The following RIPOR2 variants were observed in gnomAD, a reference collection of about 807,000 sequenced individuals.
RIPOR2 encodes RHO family interacting cell polarization regulator 2.
A neutral mutation model predicts 114.5 loss-of-function variants in RIPOR2; 39 were observed. The observed-to-expected ratio is 0.34, with a 90% CI of 0.26 to 0.44. The LOEUF (loss-of-function observed/expected upper bound fraction) is 0.44, where lower values mean the gene tolerates loss of function less well. Among genes scored for constraint, RIPOR2 ranks in the 20% least tolerant of loss-of-function variants. The pLI is 1.00. For missense variants in RIPOR2, 1,007 were observed against 1,255.1 expected (o/e 0.80, Z 2.99); for synonymous variants, 445 against 484.4 (o/e 0.92, Z 1.07).
chr6:24,948,363 A>T (rs767027580), intron 1 of RIPOR2: 1 of 152,182 alleles, frequency 6.6e-6, no homozygotes, highest in Admixed American at 6.5e-5. Flanking sequence ...CTATCCCCTC[A>T]TTGGGCCTCA....
At chr6:24,991,618 C>T (rs78788186) in intron 1 of RIPOR2, among the ~76,000 whole-genome samples, 2,755 of 152,264 alleles carry the variant, frequency 0.018, 72 homozygotes, top group African/African-American at 0.06. Flanking sequence ...GAATTCACAA[C>T]CAAACCTCAC....
chr6:24,866,462 G>A (rs780396875), intron 6 of RIPOR2, among the ~76,000 whole-genome samples: 4 of 151,992 alleles, frequency 2.6e-5, no homozygotes, highest in Non-Finnish European at 5.9e-5. Context: ...TAATGCAGAG[G>A]ACAGCTTCCT....
At chr6:24,952,565 G>A (rs1305311632) in intron 1 of RIPOR2, among the ~76,000 whole-genome samples, 3 of 152,128 alleles carry the variant, frequency 2.0e-5, no homozygotes, top group Admixed American at 6.6e-5. Flanking sequence ...AGATACAATC[G>A]ATGTAAATAA....
At chr6:24,824,018 A>T (rs1759931594) in intron 19 of RIPOR2, among the ~76,000 whole-genome samples, 1 of 152,078 alleles carries the variant, frequency 6.6e-6, no homozygotes, top group Non-Finnish European at 1.5e-5. Context: ...CGGCCTCCCA[A>T]AGTGTTGGGA....
chr6:24,850,672 T>G lies in RIPOR2; in HGVS notation c.810A>C (p.Glu270Asp). Residue 270 changes from glutamate to aspartate, a missense_variant, in exon 10 of 22, where the codon GAA becomes GAC. By Grantham distance (45) the Glu-to-Asp change is conservative (BLOSUM62 2). Coordinates refer to ENST00000643898, the MANE Select transcript of RIPOR2 (RefSeq NM_001286445.3). ...CATCCCAGCTCTGCTTGCCATTTACTTCTATTTTGCCTTTCAGTTTCCACC... is the reference window on the plus strand; with the variant it reads ...CATCCCAGCTCTGCTTGCCATTTACGTCTATTTTGCCTTTCAGTTTCCACC... ...RQRWKLKGKIEVNGKQSWDGE... is the reference protein window; with the variant it reads ...RQRWKLKGKIDVNGKQSWDGE... The G allele has an allele frequency of 6.2e-7, 1 of 1,613,932 alleles. No individual in the cohort carries two copies. Among genetic ancestry groups the G allele is most frequent in the Non-Finnish European group, 8.5e-7 (1 of 1,179,860 alleles).
Position 25,024,107 on chromosome 6 carries a change from C to G in RIPOR2, c.76+17744G>C, listed in dbSNP as rs1581970813. 3.7e-6 allele frequency: 3 copies of G among 816,842 alleles called. No individual in the cohort carries two copies. In the East Asian group the frequency reaches 7.4e-5, roughly 20 times the overall value. The allele number at this position is 816,842 out of a possible 1,614,324, so 50.6% of individuals were successfully genotyped here. ...GGGACCAGCGAGTACCAGGTGAGCT[C>G]AAACCGGACCTGATATTCCCCTTAC... is the stretch of plus-strand genomic sequence containing the variant. On this transcript the variant is annotated intron_variant, in intron 1 of 13. Coordinates refer to the RIPOR2 transcript ENST00000510784.
intron 1 of RIPOR2, among the ~76,000 whole-genome samples, chr6:24,896,018 A>T (rs1223174343): frequency 6.6e-6 from 1 of 152,116 alleles, no homozygotes; most frequent in African/African-American, 2.4e-5. Context: ...TAAATAATAA[A>T]AAAATAAAAA....
At chr6:25,014,653 TC>T in intron 1 of RIPOR2, among the ~76,000 whole-genome samples, 1 of 152,226 alleles carries the variant, frequency 6.6e-6, no homozygotes, top group East Asian at 1.9e-4. Flanking sequence ...CTATTTGCCC[TC>T]TGAAAGAGAT....
At chr6:24,977,204 C>T (rs909521496) in intron 1 of RIPOR2, among the ~76,000 whole-genome samples, 51 of 144,862 alleles carry the variant, frequency 3.5e-4, no homozygotes, top group African/African-American at 6.6e-4. Flanking sequence ...CAAAAAGAAA[C>T]GAGAAAAAAC....
intron 12 of RIPOR2, among the ~76,000 whole-genome samples, chr6:24,847,184 C>A (rs1562254576): frequency 1.3e-5 from 2 of 152,140 alleles, no homozygotes; most frequent in Non-Finnish European, 2.9e-5. Flanking sequence ...AATGCCTGAG[C>A]TCAAGCGATC....
At chr6:24,825,884 C>A (rs1405177278) in intron 18 of RIPOR2, among the ~76,000 whole-genome samples, 2 of 151,696 alleles carry the variant, frequency 1.3e-5, no homozygotes, top group Non-Finnish European at 2.9e-5. Flanking sequence ...CCCGATGGAG[C>A]AACCTATCTA....
intron 1 of RIPOR2, among the ~76,000 whole-genome samples, chr6:25,012,136 CAG>C (rs1330413869): frequency 4.6e-5 from 7 of 152,240 alleles, no homozygotes; most frequent in African/African-American, 1.7e-4. Flanking sequence ...AAAAGATACT[CAG>C]AGTCATATGT....
intron 15 of RIPOR2, among the ~76,000 whole-genome samples, chr6:24,832,636 C>T (rs1436290994): frequency 6.6e-6 from 1 of 152,152 alleles, no homozygotes; most frequent in Non-Finnish European, 1.5e-5. Context: ...AGTAGGTCTA[C>T]AAGGTTATTA....
chr6:25,010,483 C>T (rs969269363), intron 1 of RIPOR2, among the ~76,000 whole-genome samples: 6 of 152,198 alleles, frequency 3.9e-5, no homozygotes, highest in African/African-American at 9.7e-5. Context: ...CTTTACTTGA[C>T]AGATTACACA....
At chr6:24,862,281 A>G (rs1209371593) in intron 7 of RIPOR2, among the ~76,000 whole-genome samples, 1 of 152,212 alleles carries the variant, frequency 6.6e-6, no homozygotes, top group Admixed American at 6.5e-5. Context: ...TTGAAGCTTG[A>G]TGCAGGGTGA....
intron 19 of RIPOR2, among the ~76,000 whole-genome samples, chr6:24,823,958 T>C (rs1759925305): frequency 6.6e-6 from 1 of 152,162 alleles, no homozygotes; most frequent in Non-Finnish European, 1.5e-5. Context: ...GGTTTCCCCA[T>C]GTTGGCCAGG....
At chr6:24,991,378 T>C (rs1774806849) in intron 1 of RIPOR2, among the ~76,000 whole-genome samples, 1 of 152,244 alleles carries the variant, frequency 6.6e-6, no homozygotes, top group South Asian at 2.1e-4. Flanking sequence ...AATTTTAATT[T>C]AGTCTGTGAG....
intron 1 of RIPOR2, chr6:25,014,978 G>A (rs990671897): frequency 2.0e-5 from 3 of 150,244 alleles, no homozygotes; most frequent in Non-Finnish European, 4.4e-5. Flanking sequence ...CAGTCACAGT[G>A]ACCTTTTATT....
chr6:24,852,694 A>T (rs768092226), intron 8 of RIPOR2, 76 bp from the exon 9 acceptor site: 68 of 1,118,242 alleles, frequency 6.1e-5, no homozygotes, highest in Non-Finnish European at 8.2e-5. Context: ...CACGTTAAAA[A>T]GAATTCAAGT....
Sources: allele counts gnomAD v4.1 joint callset (sites outside exome capture counted in the v4.1 genomes callset), GRCh38; gene constraint gnomAD v4.1.1; transcripts MANE v1.5; gene names NCBI Gene and HGNC (gene_info 2026-07-23, HGNC 2026-07-21).